Variants in ETV6 observed in about 807,000 individuals in gnomAD.
The protein encoded by ETV6 is ETS variant transcription factor 6.
Under a neutral mutation model 51.1 loss-of-function variants are expected in ETV6, and 16 were observed. That is an observed-to-expected ratio of 0.31 (90% confidence interval 0.21 to 0.48). ETV6 has a LOEUF of 0.48. Among genes scored for constraint, ETV6 ranks in the 20% least tolerant of loss-of-function variants. The pLI is 0.99. For missense variants in ETV6, 458 were observed against 594.8 expected, an observed-to-expected ratio of 0.77 and a Z score of 2.39; for synonymous variants, 240 against 224.1, an observed-to-expected ratio of 1.07 and a Z score of -0.64.
intron 5 of ETV6, among the ~76,000 whole-genome samples, chr12:11,874,842 A>G (rs11612593): frequency 6.8e-6 from 1 of 146,878 alleles, no homozygotes; most frequent in Admixed American, 6.8e-5. Flanking sequence ...TGGGAATTGA[A>G]CAATGAGAAC....
chr12:11,784,014 T>C (rs921394336), intron 2 of ETV6, among the ~76,000 whole-genome samples: 1 of 151,318 alleles, frequency 6.6e-6, no homozygotes, highest in Admixed American at 6.5e-5. Flanking sequence ...TTTGTCTGTC[T>C]GTGTGGTTTC....
chr12:11,751,931 A>G, intron 1 of ETV6: 1 of 437,780 alleles, frequency 2.3e-6, no homozygotes, highest in Non-Finnish European at 4.6e-6. Flanking sequence ...TTGTGGATTG[A>G]AGTTCTAAAT....
At chr12:11,753,336 C>T (rs1415078675) in intron 2 of ETV6, among the ~76,000 whole-genome samples, 1 of 152,166 alleles carries the variant, frequency 6.6e-6, no homozygotes, top group Non-Finnish European at 1.5e-5. Context: ...TCCTTTTTGT[C>T]TGCCTTTCTC....
rs1946837758 is a variant in ETV6 at position 11,869,237 on chromosome 12, A to C, written c.464-187A>C. ...GGCAACAGAGTGAGACTCCATCTCAAACAGAAAAAAAAAAAAAATATGCAC... is the reference window on the plus strand; with the variant it reads ...GGCAACAGAGTGAGACTCCATCTCACACAGAAAAAAAAAAAAAATATGCAC... On this transcript the variant is annotated intron_variant, in intron 4 of 7. Coordinates refer to ENST00000396373, the MANE Select transcript of ETV6 (RefSeq NM_001987.5). This position sits in a 1 kb window ranked among gnomAD's most constrained non-coding sequence, Gnocchi z 5.0. Among the ~76,000 whole-genome samples the C allele has an allele frequency of 9.5e-6, 1 of 105,722 alleles. No individual in the cohort carries two copies. Among genetic ancestry groups the C allele is most frequent in the Non-Finnish European group, 2.3e-5 (1 of 43,422 alleles). 69.4% of individuals were successfully genotyped at this position (105,722 alleles called of 152,430 possible). A position where few individuals can be genotyped will look rare whatever the true frequency, so the allele number is the denominator to read the frequency against.
intron 2 of ETV6, among the ~76,000 whole-genome samples, chr12:11,818,986 CT>C (rs1474912544): frequency 2.0e-5 from 3 of 152,192 alleles, no homozygotes; most frequent in African/African-American, 4.8e-5. Flanking sequence ...GTCCCTTCCC[CT>C]GAGCTCTTCT....
intron 2 of ETV6, among the ~76,000 whole-genome samples, chr12:11,833,810 GGTGGGGTGTTAAGA>G (rs947145969): frequency 6.6e-6 from 1 of 152,194 alleles, no homozygotes; most frequent in Non-Finnish European, 1.5e-5. Context: ...AAAGCACTAT[GGTGGGGTGTTAAGA>G]GTTGACACTG....
chr12:11,839,939 G>A (rs1228074186), intron 3 of ETV6, among the ~76,000 whole-genome samples: 2 of 152,178 alleles, frequency 1.3e-5, no homozygotes, highest in Non-Finnish European at 2.9e-5. Flanking sequence ...AGCTGAGAGT[G>A]AATGCAGGCT....
rs35812814 is a variant in ETV6 at position 11,892,210 on chromosome 12, A to ATTTTTTTTTTTTTTTTTTTTTTTTTTT, written c.*1187_*1188insTTTTTTTTTTTTTTTTTTTTTTTTTTT. ...GTGGTCAGTTTCATGCCCTCACCTG[A>ATTTTTTTTTTTTTTTTTTTTTTTTTTT]TTTTTTTTTTTTTTTTTTTTTTTCA... On this transcript the variant is annotated 3_prime_UTR_variant, in exon 8 of 8. Transcript: ENST00000396373. 2.8e-5 allele frequency: 4 copies of ATTTTTTTTTTTTTTTTTTTTTTTTTTT among 142,252 alleles called. No homozygotes were observed. The highest frequency in any genetic ancestry group is 1.3e-4 in the African/African-American group (3 of 23,876). The allele number at this position is 142,252 out of a possible 1,614,324, so 8.8% of individuals were successfully genotyped here.
intron 1 of ETV6, among the ~76,000 whole-genome samples, chr12:11,744,184 A>G (rs748189404): frequency 1.3e-5 from 2 of 152,218 alleles, no homozygotes; most frequent in Non-Finnish European, 2.9e-5. Context: ...GCGCTGTCTA[A>G]TGGTGCCCTT....
intron 4 of ETV6, among the ~76,000 whole-genome samples, chr12:11,863,187 T>C (rs1946740471): frequency 6.6e-6 from 1 of 152,214 alleles, no homozygotes; most frequent in Admixed American, 6.5e-5. Flanking sequence ...GTCTGTTTGT[T>C]TAGGTTTACT....
intron 2 of ETV6, among the ~76,000 whole-genome samples, chr12:11,789,114 C>A (rs569185304): frequency 6.6e-6 from 1 of 152,222 alleles, no homozygotes; most frequent in Non-Finnish European, 1.5e-5. Flanking sequence ...CTCACTGCAA[C>A]CTCTGCCTCT....
intron 5 of ETV6, among the ~76,000 whole-genome samples, chr12:11,874,762 T>C (rs1249576754): frequency 6.6e-6 from 1 of 151,084 alleles, no homozygotes; most frequent in Admixed American, 6.6e-5. Flanking sequence ...ATAAATTCTT[T>C]TCATTATCTA....
chr12:11,656,681 T>C (rs1373395712), intron 1 of ETV6, among the ~76,000 whole-genome samples: 1 of 151,836 alleles, frequency 6.6e-6, no homozygotes, highest in African/African-American at 2.4e-5. Context: ...TTTCCTTGTG[T>C]TTTTCTTGCT....
At chr12:11,810,174 A>C (rs571054835) in intron 2 of ETV6, among the ~76,000 whole-genome samples, 29 of 152,160 alleles carry the variant, frequency 1.9e-4, no homozygotes, top group African/African-American at 6.7e-4. Context: ...ATGAGTAGTG[A>C]ATTCCAACCC....
intron 1 of ETV6, among the ~76,000 whole-genome samples, chr12:11,667,847 G>A (rs1236973777): frequency 6.6e-6 from 1 of 151,894 alleles, no homozygotes; most frequent in Non-Finnish European, 1.5e-5. Context: ...GATTACAGGT[G>A]CACGCTGCCA....
Position 11,894,231 on chromosome 12 carries a change from C to T in ETV6, c.*3185C>T, listed in dbSNP as rs935222190. 2 of 232,378 alleles carry T rather than the reference C, an allele frequency of 8.6e-6. No homozygotes were observed. The highest frequency in any genetic ancestry group is 1.8e-4 in the South Asian group (1 of 5,528). 14.4% of individuals were successfully genotyped at this position (232,378 alleles called of 1,614,324 possible). Reference sequence around the variant, plus strand: ...CAACACTAAGTACTAGGGGTGTTGTCAGGAGACAAATCTGAAGTCAGGAGA... The same window carrying T: ...CAACACTAAGTACTAGGGGTGTTGTTAGGAGACAAATCTGAAGTCAGGAGA... On this transcript the variant is annotated 3_prime_UTR_variant, in exon 8 of 8. Coordinates refer to ENST00000396373, the MANE Select transcript of ETV6 (RefSeq NM_001987.5).
At chr12:11,694,008 C>T (rs189500812) in intron 1 of ETV6, among the ~76,000 whole-genome samples, 5 of 152,206 alleles carry the variant, frequency 3.3e-5, no homozygotes, top group East Asian at 3.9e-4. Flanking sequence ...CACATGCTTG[C>T]GAAGATAGGA....
chr12:11,887,415 G>A (rs1947210802), intron 7 of ETV6, among the ~76,000 whole-genome samples: 1 of 152,060 alleles, frequency 6.6e-6, no homozygotes, highest in African/African-American at 2.4e-5. Context: ...AAGTATTTCA[G>A]ACATGACATC....
chr12:11,806,963 T>C (rs1269144465), intron 2 of ETV6, among the ~76,000 whole-genome samples: 1 of 152,286 alleles, frequency 6.6e-6, no homozygotes, highest in Non-Finnish European at 1.5e-5. Flanking sequence ...TGACTTTTAA[T>C]AGGTCTCACT....
Sources: allele counts gnomAD v4.1 joint callset (sites outside exome capture counted in the v4.1 genomes callset), GRCh38; gene constraint gnomAD v4.1.1; non-coding constraint Gnocchi (gnomAD v3.1); transcripts MANE v1.5; gene names NCBI Gene and HGNC (gene_info 2026-07-23, HGNC 2026-07-21).